Variants in GATB observed in about 807,000 individuals in gnomAD.
GATB encodes the protein glutamyl-tRNA amidotransferase subunit B, also known as glutamyl-tRNA(Gln) amidotransferase subunit B, mitochondrial.
In GATB, 39 loss-of-function variants were observed where a neutral mutation model predicts 62.3. The observed-to-expected ratio is 0.63, with a 90% confidence interval of 0.48 to 0.82. The LOEUF (loss-of-function observed/expected upper bound fraction) is 0.82. Among genes scored for constraint, GATB ranks in the 40% least tolerant of loss-of-function variants. GATB has a pLI of 0.00. For synonymous variants in GATB, 276 were observed against 258.9 expected, an observed-to-expected ratio of 1.07 and a Z score of -0.63; for missense variants, 670 against 684.0, an observed-to-expected ratio of 0.98 and a Z score of 0.23.
chr4:151,753,629 T>C (rs1739764566), intron 2 of GATB, among the ~76,000 whole-genome samples: 1 of 152,170 alleles, frequency 6.6e-6, no homozygotes, highest in Non-Finnish European at 1.5e-5. Context: ...TCTCCTGTCT[T>C]TACCCCTTCT....
In GATB at chr4:151,742,158, G is replaced by A. The variant is rs1373996758; in HGVS notation, c.327+16614C>T. Among the ~76,000 whole-genome samples, 3 of 148,876 alleles carry A rather than the reference G, an allele frequency of 2.0e-5. No individual in the cohort carries two copies. In the Admixed American group the frequency reaches 2.0e-4, roughly 10 times the overall value. ...GGCCGGAGTGCAGTGGCGCTATCTC[G>A]GCTCACTGCAAGCTCTGCATCCCCG... On this transcript the variant is annotated intron_variant, in intron 2 of 12. Coordinates refer to ENST00000263985, the MANE Select transcript of GATB (RefSeq NM_004564.3).
intron 2 of GATB, among the ~76,000 whole-genome samples, chr4:151,740,797 G>A (rs1006882338): frequency 6.6e-6 from 1 of 152,178 alleles, no homozygotes; most frequent in Non-Finnish European, 1.5e-5. Flanking sequence ...ATGGTACCCA[G>A]CTGCATGATT....
Position 151,672,833 on chromosome 4 carries a change from G to C in GATB, c.1474C>G (p.Leu492Val), listed in dbSNP as rs778334023. 1.2e-6 allele frequency: 2 copies of C among 1,614,214 alleles called. No homozygotes were observed. The highest frequency in any genetic ancestry group is 1.7e-6 in the Non-Finnish European group (2 of 1,180,024). The change falls in exon 12 of 13, where the codon CTT becomes GTT. Residue 492 changes from leucine to valine, a missense_variant. Leu to Val is a conservative substitution (Grantham distance 32). Transcript: ENST00000263985. ...GCCCCCTGGTCCTGCATCAGTTCAA[G>C]CTGCTTTTCTGAAACAATCTGCCCT... ...TPGQIVSEKQ[L>V]ELMQDQGALE...
intron 3 of GATB, chr4:151,717,413 TG>T: frequency 3.5e-6 from 1 of 283,154 alleles, no homozygotes; most frequent in Non-Finnish European, 6.7e-6. Context: ...AAGAATTTAT[TG>T]TTTCCATCCA....
intron 9 of GATB, among the ~76,000 whole-genome samples, chr4:151,690,082 T>G (rs1738332163): frequency 6.6e-6 from 1 of 152,222 alleles, no homozygotes; most frequent in Non-Finnish European, 1.5e-5. Context: ...CTTCTACCCC[T>G]GCTCCTTTCA....
rs149235830 is a variant in GATB at position 151,697,937 on chromosome 4, ATG to A, written c.1197+3390_1197+3391del. Among the ~76,000 whole-genome samples the A allele has an allele frequency of 6.7e-3, 370 of 55,614 alleles. 23 individuals carry two copies. Among genetic ancestry groups the A allele is most frequent in the African/African-American group, 0.024 (317 of 13,384 alleles). The allele number at this position is 55,614 out of a possible 152,430, so 36.5% of individuals were successfully genotyped here. A position where few individuals can be genotyped will look rare whatever the true frequency, so the allele number is the denominator to read the frequency against. ...ACAAACAAAAATCGATTTCATATAT[ATG>A]TGTGTGTGTGTGTGTATATATATAT... On this transcript the variant is annotated intron_variant, in intron 9 of 12. Transcript: ENST00000263985.
chr4:151,673,246 T>A, intron 11 of GATB: 1 of 131,834 alleles, frequency 7.6e-6, no homozygotes, highest in Non-Finnish European at 1.5e-5. Context: ...CCCGGCTGAC[T>A]CCACATGGCG....
In GATB at chr4:151,705,256, C is replaced by A; in HGVS notation, c.891G>T (p.Gln297His). 6.2e-7 allele frequency: 1 copy of A among 1,609,072 alleles called. No homozygotes were observed. Among genetic ancestry groups the A allele is most frequent in the Non-Finnish European group, 8.5e-7 (1 of 1,175,678 alleles). The change falls in exon 7 of 13, where the codon CAG becomes CAT. Residue 297 changes from glutamine (Q) to histidine (H), a missense_variant. Coordinates refer to ENST00000263985, the MANE Select transcript of GATB (RefSeq NM_004564.3). ...CATTCTCAAGTTCATTGATTTGCCT[C>A]TGAATTTCATAGTCTAGGAAAAACA... ...FLAKAIDYEI[Q>H]RQINELENGG... is the part of the protein sequence containing the mutation.
At chr4:151,745,592 G>A (rs1739579934) in intron 2 of GATB, among the ~76,000 whole-genome samples, 1 of 152,222 alleles carries the variant, frequency 6.6e-6, no homozygotes, top group African/African-American at 2.4e-5. Context: ...GCATACATAT[G>A]TTCCAGAAGG....
At chr4:151,715,093 T>C (rs985915498) in intron 5 of GATB, among the ~76,000 whole-genome samples, 13 of 152,268 alleles carry the variant, frequency 8.5e-5, no homozygotes, top group Non-Finnish European at 1.6e-4. Context: ...TTATGTGACA[T>C]GCTAAGCTTG....
At chr4:151,691,680 A>G (rs1446331668) in intron 9 of GATB, 7 of 152,286 alleles carry the variant, frequency 4.6e-5, no homozygotes, top group Admixed American at 4.6e-4. Flanking sequence ...TCAAATGCAA[A>G]TGCTGGAAGA....
intron 2 of GATB, among the ~76,000 whole-genome samples, chr4:151,731,348 C>CG (rs1560859925): frequency 6.6e-6 from 1 of 152,228 alleles, no homozygotes; most frequent in Non-Finnish European, 1.5e-5. Flanking sequence ...AGCTCCTAAT[C>CG]ACAAGTGATC....
At position 151,716,103 on chromosome 4, in the gene GATB, C is replaced by T; in HGVS notation, c.669G>A (p.Glu223=). ...AGVGLLEVVL[E]PDMSCGEEAA... ...CCTCTTCTCCACAGGACATGTCGGG[C>T]TCCAGGACCACCTCCAGAAGGCCCA... Residue 223 remains glutamate, a synonymous_variant, in exon 5 of 13, where the codon GAG becomes GAA. Transcript: ENST00000263985. 6.2e-7 allele frequency: 1 copy of T among 1,613,836 alleles called. No homozygotes were observed.
intron 2 of GATB, among the ~76,000 whole-genome samples, chr4:151,727,884 T>A (rs116401438): frequency 0.013 from 2,026 of 152,322 alleles, 42 homozygotes; most frequent in African/African-American, 0.046. Context: ...TTTCATATGT[T>A]AACTTTTCCA....
chr4:151,703,848 C>T lies in GATB; in HGVS notation c.1007+3G>A, dbSNP rs1415647354. 1.9e-6 allele frequency: 3 copies of T among 1,589,818 alleles called. No homozygotes were observed. Among genetic ancestry groups the T allele is most frequent in the Non-Finnish European group, 2.6e-6 (3 of 1,157,892 alleles). ...GCGGTATTTTGCCATAAGGAGTAAC[C>T]ACCTGTAGTCCTGTTTTCCTTCTTT... On this transcript the variant is annotated splice_donor_region_variant and intron_variant, in intron 8 of 12. Coordinates refer to ENST00000263985, the MANE Select transcript of GATB (RefSeq NM_004564.3).
chr4:151,750,132 C>T (rs988023174), intron 2 of GATB, among the ~76,000 whole-genome samples: 4 of 152,198 alleles, frequency 2.6e-5, no homozygotes, highest in African/African-American at 9.7e-5. Context: ...CCGCCCACCT[C>T]GGTCTCCCAA....
chr4:151,717,191 A>C, intron 3 of GATB, 117 bp from the exon 4 acceptor site: 1 of 959,092 alleles, frequency 1.0e-6, no homozygotes, highest in Non-Finnish European at 1.6e-6. Flanking sequence ...CAAAAACAAC[A>C]AGAAAAAAAG....
Position 151,671,317 on chromosome 4 carries a change from A to AATAC in GATB, c.1546-16_1546-15insGTAT. 1 of 1,605,758 alleles carries AATAC rather than the reference A, an allele frequency of 6.2e-7. No individual in the cohort carries two copies. Among genetic ancestry groups the AATAC allele is most frequent in the Non-Finnish European group, 8.5e-7 (1 of 1,173,422 alleles). ...ACATCCATTACCTAGAAGGACAGAA[A>AATAC]TTACTTACTTAAGAGGAGAAAATGA... On this transcript the variant is annotated splice_polypyrimidine_tract_variant and intron_variant, in intron 12 of 12. Transcript: ENST00000263985.
intron 1 of GATB, among the ~76,000 whole-genome samples, 175 bp from the exon 2 acceptor site, chr4:151,759,097 A>G (rs1292960173): frequency 6.6e-6 from 1 of 152,250 alleles, no homozygotes; most frequent in Non-Finnish European, 1.5e-5. Context: ...AAAACAATTT[A>G]GAATAAGCGC....
Sources: gnomAD v4.1 joint callset for allele counts (sites outside exome capture counted in the v4.1 genomes callset) on GRCh38, gnomAD v4.1.1 for gene constraint, MANE v1.5 for transcripts, NCBI Gene and HGNC (gene_info 2026-07-23, HGNC 2026-07-21) for gene names.